Variants in NR5A2 observed in about 807,000 individuals in gnomAD.
NR5A2 encodes nuclear receptor subfamily 5 group A member 2.
Under a neutral mutation model 62.7 loss-of-function variants are expected in NR5A2, and 26 were observed. The ratio of observed to expected loss-of-function variants is 0.41; its 90% CI spans 0.30 to 0.58. The LOEUF is 0.58. NR5A2 is among the 20% of genes least tolerant of loss of function. The pLI, the probability that NR5A2 is intolerant of heterozygous loss-of-function variation, is 0.22. For synonymous variants in NR5A2, 246 were observed against 241.7 expected, an observed-to-expected ratio of 1.02 and a Z score of -0.16; for missense variants, 541 against 669.1, an observed-to-expected ratio of 0.81 and a Z score of 2.11.
intron 5 of NR5A2, among the ~76,000 whole-genome samples, chr1:200,076,001 A>T (rs1294919474): frequency 2.6e-5 from 4 of 152,128 alleles, no homozygotes; most frequent in Non-Finnish European, 5.9e-5. Flanking sequence ...ACTCAATAAC[A>T]TCTTTTAAAA....
intron 5 of NR5A2, among the ~76,000 whole-genome samples, chr1:200,073,274 A>ATATATATATATATATATTCCCCTT (rs1276860770): frequency 9.8e-6 from 1 of 102,160 alleles, no homozygotes; most frequent in Non-Finnish European, 2.0e-5. Flanking sequence ...CCCTTTATAT[A>ATATATATATATATATATTCCCCTT]TATATATATA....
chr1:200,030,502 A>G (rs894367509), intron 1 of NR5A2, among the ~76,000 whole-genome samples: 2 of 152,194 alleles, frequency 1.3e-5, no homozygotes, highest in African/African-American at 4.8e-5. Context: ...AAAGTTAACT[A>G]ACTCTGGGAC....
At chr1:200,042,132 G>T (rs1166149143) in intron 2 of NR5A2, among the ~76,000 whole-genome samples, 2 of 152,114 alleles carry the variant, frequency 1.3e-5, no homozygotes, top group African/African-American at 2.4e-5. Flanking sequence ...GGCTGGCACC[G>T]CTGGGAGGAC....
chr1:200,171,454 A>C (rs76377786), intron 7 of NR5A2, among the ~76,000 whole-genome samples: 1 of 152,252 alleles, frequency 6.6e-6, no homozygotes, highest in East Asian at 1.9e-4. Context: ...TATTCATAGA[A>C]ATTAACCATC....
intron 1 of NR5A2, among the ~76,000 whole-genome samples, chr1:200,035,128 C>T (rs1218115827): frequency 6.6e-6 from 1 of 152,124 alleles, no homozygotes; most frequent in Admixed American, 6.5e-5. Context: ...ACTTGCTCCT[C>T]TTCCCCCTCG....
At position 200,083,848 on chromosome 1, in the gene NR5A2, C is replaced by T. The variant is rs373771285; in HGVS notation, c.1111-27354C>T. Among the ~76,000 whole-genome samples, 32 of 152,000 alleles carry T rather than the reference C, an allele frequency of 2.1e-4. No individual in the cohort carries two copies. In the East Asian group the frequency reaches 3.3e-3, roughly 16 times the overall value. On this transcript the variant is annotated intron_variant, in intron 5 of 7. Coordinates refer to ENST00000367362, the MANE Select transcript of NR5A2 (RefSeq NM_205860.3). ...GGCATGGTGGCTCATGCCTGTAATC[C>T]CAGCTACTTGGGAGGCTGAGGCAGG... is the stretch of plus-strand genomic sequence containing the variant.
intron 5 of NR5A2, 81 bp from the exon 6 acceptor site, chr1:200,111,121 A>C: frequency 6.6e-7 from 1 of 1,524,774 alleles, no homozygotes; most frequent in East Asian, 2.3e-5. Context: ...TTATGTTGAA[A>C]ATTACACAAA....
intron 5 of NR5A2, among the ~76,000 whole-genome samples, chr1:200,100,301 A>G (rs972998381): frequency 1.3e-5 from 2 of 151,442 alleles, no homozygotes; most frequent in Non-Finnish European, 2.9e-5. Context: ...TACTTCATTT[A>G]GCATCTTTCA....
At chr1:200,052,516 T>C (rs1662684728) in intron 5 of NR5A2, among the ~76,000 whole-genome samples, 1 of 152,150 alleles carries the variant, frequency 6.6e-6, no homozygotes, top group African/African-American at 2.4e-5. Context: ...TTTTCCTTGG[T>C]AACTTCACAG....
At chr1:200,131,574 G>C (rs1477404573) in intron 7 of NR5A2, among the ~76,000 whole-genome samples, 1 of 152,194 alleles carries the variant, frequency 6.6e-6, no homozygotes, top group Non-Finnish European at 1.5e-5. Flanking sequence ...AATGCCATGT[G>C]CTCTTGGTTG....
At chr1:200,083,081 CAT>C (rs146417786) in intron 5 of NR5A2, among the ~76,000 whole-genome samples, 2,474 of 152,138 alleles carry the variant, frequency 0.016, 38 homozygotes, top group East Asian at 0.05. Context: ...TTTCAGAACT[CAT>C]ATTTCTAATA....
chr1:200,074,788 ATT>A (rs11465184), intron 5 of NR5A2, among the ~76,000 whole-genome samples: 2 of 133,654 alleles, frequency 1.5e-5, no homozygotes, highest in African/African-American at 2.8e-5. Flanking sequence ...AAACACTTTA[ATT>A]TTTTTTTTTT....
rs1406127751 is a variant in NR5A2, at chr1:200,177,259, T to C, written c.*3049T>C. 2 of 152,656 alleles carry C rather than the reference T, an allele frequency of 1.3e-5. No homozygotes were observed. Among genetic ancestry groups the C allele is most frequent in the Non-Finnish European group, 2.9e-5 (2 of 68,036 alleles). 9.5% of individuals were successfully genotyped at this position (152,656 alleles called of 1,614,324 possible). ...TGCAGCTGCCTTGGACTTGAATCCA[T>C]GCAATGTTTAGAGTGTGAAGTCAGT... On this transcript the variant is annotated 3_prime_UTR_variant, in exon 8 of 8. Transcript: ENST00000367362.
chr1:200,050,353 T>C (rs1295530219), intron 5 of NR5A2, among the ~76,000 whole-genome samples: 1 of 152,206 alleles, frequency 6.6e-6, no homozygotes, highest in East Asian at 1.9e-4. Flanking sequence ...CACAGACTTT[T>C]TACAATCAAA....
At position 200,115,967 on chromosome 1, in the gene NR5A2, C is replaced by T. The variant is rs76785865; in HGVS notation, c.1230+4646C>T. 3.2e-3 allele frequency among the ~76,000 whole-genome samples: 490 copies of T among 151,870 alleles called. 1 individual carries two copies. Among genetic ancestry groups the T allele is most frequent in the African/African-American group, 0.012 (481 of 41,404 alleles). On this transcript the variant is annotated intron_variant, in intron 6 of 7. Transcript: ENST00000367362. Reference sequence around the variant, plus strand: ...AACTAAACTCGCCACCTTTTTCAGCCTCAGCCAGAAGAAATACAATTCACT... The same window carrying T: ...AACTAAACTCGCCACCTTTTTCAGCTTCAGCCAGAAGAAATACAATTCACT...
rs1654328204 is a variant in NR5A2 at position 200,174,387 on chromosome 1, T to C, written c.*177T>C. 3.6e-6 allele frequency: 2 copies of C among 553,152 alleles called. No individual in the cohort carries two copies. The highest frequency in any genetic ancestry group is 5.6e-6 in the Non-Finnish European group (2 of 354,876). The allele number at this position is 553,152 out of a possible 1,614,324, so 34.3% of individuals were successfully genotyped here. A position where few individuals can be genotyped will look rare whatever the true frequency, so the allele number is the denominator to read the frequency against. Reference sequence around the variant, plus strand: ...TAATAATCAAATACTTAATAGCAAATAAATGATGTATCAGGGTATTTGTAT... The same window carrying C: ...TAATAATCAAATACTTAATAGCAAACAAATGATGTATCAGGGTATTTGTAT... On this transcript the variant is annotated 3_prime_UTR_variant, in exon 8 of 8. Transcript: ENST00000367362.
At chr1:200,078,102 G>A (rs144996080) in intron 5 of NR5A2, among the ~76,000 whole-genome samples, 3 of 152,300 alleles carry the variant, frequency 2.0e-5, no homozygotes, top group South Asian at 2.1e-4. Context: ...TGCTCCAAAC[G>A]TGGGCATCAG....
intron 5 of NR5A2, among the ~76,000 whole-genome samples, chr1:200,072,691 A>T (rs1364030554): frequency 1.3e-5 from 2 of 152,224 alleles, no homozygotes; most frequent in African/African-American, 4.8e-5. Context: ...AGGTAAGGTT[A>T]CAATAAACAC....
rs1250070671 is a variant in NR5A2 at position 200,043,874 on chromosome 1, C to T, written c.303C>T (p.Leu101=). The change falls in exon 3 of 8, where the codon CTC becomes CTT. Residue 101 remains leucine (L), a synonymous_variant. Coordinates refer to ENST00000367362, the MANE Select transcript of NR5A2 (RefSeq NM_205860.3). ...DKVSGYHYGL[L]TCESCKGFFK... is the part of the protein sequence containing the mutation. Reference sequence around the variant, plus strand: ...TGTCTGGGTACCATTATGGGCTCCTCACCTGTGAAAGCTGCAAGGTTTGCT... The same window carrying T: ...TGTCTGGGTACCATTATGGGCTCCTTACCTGTGAAAGCTGCAAGGTTTGCT... 1 of 1,611,756 alleles carries T rather than the reference C, an allele frequency of 6.2e-7. No individual in the cohort carries two copies.
Sources: gnomAD v4.1 joint callset for allele counts (sites outside exome capture counted in the v4.1 genomes callset) on GRCh38, gnomAD v4.1.1 for gene constraint, MANE v1.5 for transcripts, NCBI Gene and HGNC (gene_info 2026-07-23, HGNC 2026-07-21) for gene names.